NDRG1: variants seen among roughly 807,000 people sequenced by gnomAD.
NDRG1 encodes N-myc downstream regulated 1.
In NDRG1, 32 loss-of-function variants were observed where a neutral mutation model predicts 56.9. The ratio of observed to expected loss-of-function variants is 0.56; its 90% confidence interval spans 0.42 to 0.76. NDRG1 has a LOEUF of 0.76. NDRG1 is among the 30% of genes least tolerant of loss of function. The pLI, the probability that NDRG1 is intolerant of heterozygous loss-of-function variation, is 0.00. For synonymous variants in NDRG1, 211 were observed against 204.1 expected, an observed-to-expected ratio of 1.03 and a Z score of -0.29; for missense variants, 507 against 545.7, an observed-to-expected ratio of 0.93 and a Z score of 0.71.
At chr8:133,260,136 C>A (rs746163601) in intron 5 of NDRG1, among the ~76,000 whole-genome samples, 8 of 152,176 alleles carry the variant, frequency 5.3e-5, no homozygotes, top group Admixed American at 1.3e-4. Context: ...GGAGAAGCCA[C>A]TTAATTGCAG....
At position 133,238,839 on chromosome 8, in the gene NDRG1, C is replaced by G; in HGVS notation, c.*39G>C. The G allele has an allele frequency of 6.5e-7, 1 of 1,539,974 alleles. No individual in the cohort carries two copies. On this transcript the variant is annotated 3_prime_UTR_variant, in exon 16 of 16. Transcript: ENST00000323851. ...GGGGCCGGGGAGGAGGGGGCCACTACAGAGATCAGAGTCCGGGGGCGGCAG... is the reference window on the plus strand; with the variant it reads ...GGGGCCGGGGAGGAGGGGGCCACTAGAGAGATCAGAGTCCGGGGGCGGCAG...
At chr8:133,259,390 C>G (rs1042385984) in intron 5 of NDRG1, 160 bp from the exon 6 acceptor site, 1 of 702,170 alleles carries the variant, frequency 1.4e-6, no homozygotes, top group Non-Finnish European at 2.6e-6. Flanking sequence ...CTTCCAAGAC[C>G]CCTGCAGCAC....
chr8:133,244,407 C>T lies in NDRG1; in HGVS notation c.856-17G>A, dbSNP rs766569650. 6.2e-7 allele frequency: 1 copy of T among 1,614,200 alleles called. No individual in the cohort carries two copies. The highest frequency in any genetic ancestry group is 8.5e-7 in the Non-Finnish European group (1 of 1,180,014). ...GTCCGCCATCTAGGAGAGAGGGAAG[C>T]TCGTTAGTGCCAAACACCACAGCCA... is the stretch of plus-strand genomic sequence containing the variant. On this transcript the variant is annotated splice_polypyrimidine_tract_variant and intron_variant, in intron 13 of 15. Coordinates refer to ENST00000323851, the MANE Select transcript of NDRG1 (RefSeq NM_006096.4).
At chr8:133,248,643 C>G (rs1483157725) in intron 11 of NDRG1, 72 bp downstream of exon 11, 1 of 1,549,938 alleles carries the variant, frequency 6.5e-7, no homozygotes, top group South Asian at 1.1e-5. Context: ...AGAAAGAAGG[C>G]CCTGCCAGCA....
At chr8:133,253,304 G>A (rs950490200) in intron 9 of NDRG1, among the ~76,000 whole-genome samples, 2 of 152,216 alleles carry the variant, frequency 1.3e-5, no homozygotes, top group African/African-American at 4.8e-5. Flanking sequence ...GAGCCAGGCA[G>A]CAGCACAGGC....
intron 2 of NDRG1, 49 bp downstream of exon 2, chr8:133,284,200 T>C (rs1563640697): frequency 6.4e-7 from 1 of 1,568,428 alleles, no homozygotes; most frequent in Admixed American, 1.7e-5. Flanking sequence ...TGTGTGTGTC[T>C]ATGTGCACAT....
intron 13 of NDRG1, among the ~76,000 whole-genome samples, chr8:133,246,238 C>T (rs905502306): frequency 1.3e-5 from 2 of 152,232 alleles, no homozygotes. Context: ...GATGAACTTG[C>T]TGGACAAAGT....
chr8:133,272,066 T>C (rs756245063), intron 3 of NDRG1, among the ~76,000 whole-genome samples: 1 of 152,190 alleles, frequency 6.6e-6, no homozygotes, highest in Non-Finnish European at 1.5e-5. Context: ...CCTCACACAA[T>C]GGAAGACCTT....
At chr8:133,243,757 C>T (rs1201827410) in intron 14 of NDRG1, among the ~76,000 whole-genome samples, 1 of 152,110 alleles carries the variant, frequency 6.6e-6, no homozygotes, top group Non-Finnish European at 1.5e-5. Flanking sequence ...AGATGGAACA[C>T]AAAACTGTCA....
chr8:133,246,733 G>A (rs1277365504), intron 12 of NDRG1, 70 bp from the exon 13 acceptor site: 9 of 1,335,604 alleles, frequency 6.7e-6, no homozygotes, highest in Middle Eastern at 1.8e-4. Flanking sequence ...CCCCTTCTCC[G>A]CCACTCTGCC....
At chr8:133,287,022 C>T (rs1858156336) in intron 1 of NDRG1, among the ~76,000 whole-genome samples, 4 of 152,132 alleles carry the variant, frequency 2.6e-5, no homozygotes, top group South Asian at 2.1e-4. Flanking sequence ...GGGAGGAGAG[C>T]GGCTCCCTCA....
chr8:133,266,872 G>T (rs1230062024), intron 3 of NDRG1, among the ~76,000 whole-genome samples: 4 of 152,154 alleles, frequency 2.6e-5, no homozygotes, highest in African/African-American at 7.2e-5. Flanking sequence ...CCCACTGGGG[G>T]GTTGCTGGGA....
At chr8:133,257,328 CAG>C (rs139968233) in intron 7 of NDRG1, among the ~76,000 whole-genome samples, 16,824 of 147,490 alleles carry the variant, frequency 0.11, 1,102 homozygotes, top group South Asian at 0.18. Flanking sequence ...GAGAGAGAGA[CAG>C]AGTTATGCAT....
chr8:133,284,815 A>G (rs191349607), intron 1 of NDRG1: 3 of 456,942 alleles, frequency 6.6e-6, no homozygotes, highest in Admixed American at 4.7e-5. Flanking sequence ...AAGGTTGGTG[A>G]TGCAGACGCA....
chr8:133,273,471 T>C (rs1400255024), intron 3 of NDRG1, among the ~76,000 whole-genome samples: 3 of 152,106 alleles, frequency 2.0e-5, no homozygotes, highest in African/African-American at 7.2e-5. Flanking sequence ...ATCTTCAACA[T>C]AAAACAAGGA....
chr8:133,291,304 G>T (rs1344826704), intron 1 of NDRG1, among the ~76,000 whole-genome samples: 1 of 152,196 alleles, frequency 6.6e-6, no homozygotes, highest in African/African-American at 2.4e-5. Context: ...GTGGCTGTTT[G>T]CTGTAGCAAC....
At chr8:133,258,600 G>A (rs899934258) in intron 6 of NDRG1, among the ~76,000 whole-genome samples, 174 bp from the exon 7 acceptor site, 2 of 152,160 alleles carry the variant, frequency 1.3e-5, no homozygotes, top group African/African-American at 4.8e-5. Flanking sequence ...CAGAGACCTC[G>A]ACCTTGGAGA....
At position 133,280,129 on chromosome 8, in the gene NDRG1, G is replaced by A. The variant is rs900308317; in HGVS notation, c.99+103C>T. 3 of 1,412,086 alleles carry A rather than the reference G, an allele frequency of 2.1e-6. No homozygotes were observed. The African/African-American group carries it at 4.3e-5, about 20-fold the overall frequency. The allele number at this position is 1,412,086 out of a possible 1,614,324, so 87.5% of individuals were successfully genotyped here. On this transcript the variant is annotated intron_variant, in intron 3 of 15. Coordinates refer to ENST00000323851, the MANE Select transcript of NDRG1 (RefSeq NM_006096.4). Reference sequence around the variant, plus strand: ...TGAGACCACTGCCTTCTCTCCCCTTGCCCGCAATGTTTGCACAATGATCTA... The same window carrying A: ...TGAGACCACTGCCTTCTCTCCCCTTACCCGCAATGTTTGCACAATGATCTA...
At chr8:133,244,442 G>A in intron 13 of NDRG1, 52 bp from the exon 14 acceptor site, 1 of 1,610,488 alleles carries the variant, frequency 6.2e-7, no homozygotes, top group Non-Finnish European at 8.5e-7. Flanking sequence ...AAGGCCCTCT[G>A]CGCTCTATGA....
Sources: gnomAD v4.1 joint callset for allele counts (sites outside exome capture counted in the v4.1 genomes callset) on GRCh38, gnomAD v4.1.1 for gene constraint, MANE v1.5 for transcripts, NCBI Gene and HGNC (gene_info 2026-07-23, HGNC 2026-07-21) for gene names.